The following POMP variants were observed in gnomAD, a reference collection of about 807,000 sequenced individuals.
POMP encodes the protein proteasome maturation protein, also known as 2510048O06Rik.
Under a neutral mutation model 20.6 loss-of-function variants are expected in POMP, and 12 were observed. The observed-to-expected ratio is 0.58, with a 90% CI of 0.37 to 0.94. POMP has a LOEUF of 0.94. Among genes scored for constraint, POMP ranks in the 40% least tolerant of loss-of-function variants. POMP has a pLI of 0.01. For missense variants in POMP, 136 were observed against 161.1 expected (o/e 0.84, Z 0.84); for synonymous variants, 53 against 55.0 (o/e 0.96, Z 0.16).
At chr13:28,663,581 A>T (rs1884387206) in intron 2 of POMP, among the ~76,000 whole-genome samples, 1 of 152,202 alleles carries the variant, frequency 6.6e-6, no homozygotes, top group African/African-American at 2.4e-5. Flanking sequence ...GAGTGCTGGG[A>T]TTACAGGTGT....
At chr13:28,660,993 A>G (rs995219875) in intron 1 of POMP, among the ~76,000 whole-genome samples, 6 of 152,200 alleles carry the variant, frequency 3.9e-5, no homozygotes, top group Non-Finnish European at 8.8e-5. Context: ...TGCAAAGGAT[A>G]AAATACCTGA....
chr13:28,674,898 G>A (rs964489280), intron 5 of POMP, among the ~76,000 whole-genome samples: 9 of 151,920 alleles, frequency 5.9e-5, no homozygotes, highest in African/African-American at 1.9e-4. Flanking sequence ...AATTAATTGG[G>A]CATAGTGGTG....
chr13:28,668,814 GT>G (rs142194436), intron 4 of POMP, among the ~76,000 whole-genome samples: 5 of 148,700 alleles, frequency 3.4e-5, no homozygotes, highest in South Asian at 2.1e-4. Flanking sequence ...GTTTTTCTGG[GT>G]TTTTTTTTTA....
At chr13:28,667,733 A>G (rs1371403496) in intron 3 of POMP, among the ~76,000 whole-genome samples, 1 of 152,240 alleles carries the variant, frequency 6.6e-6, no homozygotes. Flanking sequence ...ACCTTAGCTC[A>G]GACAAATCTT....
intron 4 of POMP, among the ~76,000 whole-genome samples, chr13:28,671,462 T>C (rs1593174806): frequency 6.8e-6 from 1 of 147,132 alleles, no homozygotes; most frequent in African/African-American, 2.4e-5. Flanking sequence ...TTTTTTTTTT[T>C]TCTTATCTCT....
chr13:28,671,087 C>T (rs1260383481), intron 4 of POMP, among the ~76,000 whole-genome samples: 1 of 152,100 alleles, frequency 6.6e-6, no homozygotes, highest in Non-Finnish European at 1.5e-5. Context: ...CTAATACTAT[C>T]AATTGTATTT....
chr13:28,662,216 T>C (rs906966182), intron 1 of POMP, among the ~76,000 whole-genome samples, 194 bp from the exon 2 acceptor site: 3 of 152,206 alleles, frequency 2.0e-5, no homozygotes, highest in African/African-American at 4.8e-5. Flanking sequence ...CACATCTAAA[T>C]TTGGTATTTT....
chr13:28,673,581 T>A (rs1884586318), intron 5 of POMP, among the ~76,000 whole-genome samples: 1 of 152,252 alleles, frequency 6.6e-6, no homozygotes, highest in African/African-American at 2.4e-5. Flanking sequence ...TGGCTGCTGA[T>A]GTCCGGTAAG....
At chr13:28,670,986 G>T (rs911714394) in intron 4 of POMP, among the ~76,000 whole-genome samples, 2 of 152,058 alleles carry the variant, frequency 1.3e-5, no homozygotes, top group South Asian at 2.1e-4. Flanking sequence ...GACAGAGGTT[G>T]CAGTGAGCCA....
At chr13:28,664,866 G>C (rs974143139) in intron 3 of POMP, among the ~76,000 whole-genome samples, 10 of 151,950 alleles carry the variant, frequency 6.6e-5, no homozygotes, top group African/African-American at 2.4e-4. Flanking sequence ...TATTTTTCCT[G>C]CCATTTTTGC....
chr13:28,669,573 T>C (rs1421387003), intron 4 of POMP, among the ~76,000 whole-genome samples: 1 of 152,114 alleles, frequency 6.6e-6, no homozygotes, highest in Non-Finnish European at 1.5e-5. Flanking sequence ...AGAAACGGGC[T>C]CTTGCTATGT....
intron 3 of POMP, among the ~76,000 whole-genome samples, chr13:28,665,165 T>G (rs1393418338): frequency 6.6e-6 from 1 of 152,150 alleles, no homozygotes; most frequent in Non-Finnish European, 1.5e-5. Context: ...GAAAGTTTAC[T>G]CCTAAAGAGA....
intron 1 of POMP, among the ~76,000 whole-genome samples, chr13:28,661,899 T>A (rs772769607): frequency 1.2e-4 from 19 of 152,214 alleles, no homozygotes; most frequent in Non-Finnish European, 2.4e-4. Context: ...TGTCTTCAAC[T>A]TTTTTATTCT....
chr13:28,675,241 A>G (rs1465208806), intron 5 of POMP, among the ~76,000 whole-genome samples: 3 of 151,760 alleles, frequency 2.0e-5, no homozygotes, highest in African/African-American at 7.3e-5. Flanking sequence ...CCTGGGTTCA[A>G]GCAATTCTCC....
intron 4 of POMP, among the ~76,000 whole-genome samples, chr13:28,669,537 G>A (rs1357568719): frequency 3.3e-5 from 5 of 151,974 alleles, no homozygotes; most frequent in Non-Finnish European, 7.4e-5. Flanking sequence ...TACCTCGCCT[G>A]GCTAGTTTTA....
chr13:28,661,275 G>A lies in POMP; in HGVS notation c.4-1135G>A, dbSNP rs1884334754. Among the ~76,000 whole-genome samples the A allele has an allele frequency of 7.2e-5, 11 of 152,028 alleles. 1 individual carries two copies. The South Asian group carries it at 2.3e-3, about 32-fold the overall frequency. On this transcript the variant is annotated intron_variant, in intron 1 of 5. Transcript: ENST00000380842. ...AGCACAGGAGTTTGAGACTAGCCTG[G>A]CCATCATAGTTGAGACCTTATCTCC...
intron 1 of POMP, among the ~76,000 whole-genome samples, chr13:28,662,031 T>C (rs1190933416): frequency 6.6e-6 from 1 of 152,238 alleles, no homozygotes; most frequent in East Asian, 1.9e-4. Flanking sequence ...CATAAGATGT[T>C]TCACTTTTGT....
chr13:28,660,354 A>G (rs1242564592), intron 1 of POMP, among the ~76,000 whole-genome samples: 7 of 152,232 alleles, frequency 4.6e-5, no homozygotes, highest in Admixed American at 4.6e-4. Flanking sequence ...TCAGTACAGT[A>G]TTCAATAAAT....
Position 28,678,139 on chromosome 13 carries a change from G to C in POMP, c.*37G>C. On this transcript the variant is annotated 3_prime_UTR_variant, in exon 6 of 6. Coordinates refer to ENST00000380842, the MANE Select transcript of POMP (RefSeq NM_015932.6). ...TCATGGAAACCGAGGGCTGCATCTT[G>C]TTTATAGTCATCTTTGTACTGTAAT... 6.4e-7 allele frequency: 1 copy of C among 1,565,310 alleles called. No homozygotes were observed. Among genetic ancestry groups the C allele is most frequent in the African/African-American group, 1.4e-5 (1 of 73,768 alleles).
Sources: gnomAD v4.1 joint callset for allele counts (sites outside exome capture counted in the v4.1 genomes callset) on GRCh38, gnomAD v4.1.1 for gene constraint, MANE v1.5 for transcripts, NCBI Gene and HGNC (gene_info 2026-07-23, HGNC 2026-07-21) for gene names.